ZNF225: variants seen among roughly 807,000 people sequenced by gnomAD.
ZNF225 encodes the protein zinc finger protein 225.
Under a neutral mutation model 12.0 loss-of-function variants are expected in ZNF225, and 6 were observed. That is an observed-to-expected ratio of 0.50 (90% CI 0.27 to 0.98). The LOEUF (loss-of-function observed/expected upper bound fraction) is 0.98, where lower values mean the gene tolerates loss of function less well. Among genes scored for constraint, ZNF225 ranks in the 50% least tolerant of loss-of-function variants. ZNF225 has a pLI of 0.11. For synonymous variants in ZNF225, 271 were observed against 283.2 expected (o/e 0.96, Z 0.43); for missense variants, 763 against 848.2 (o/e 0.90, Z 1.25).
At chr19:44,129,237 C>T (rs574042289) in intron 4 of ZNF225, 3 of 639,188 alleles carry the variant, frequency 4.7e-6, no homozygotes, top group African/African-American at 1.9e-5. Context: ...AAGAGCTTAA[C>T]CAATTGCAAA....
chr19:44,125,739 C>CT (rs2147566395), intron 4 of ZNF225, among the ~76,000 whole-genome samples: 1 of 152,214 alleles, frequency 6.6e-6, no homozygotes, highest in South Asian at 2.1e-4. Context: ...TTTTCTTATT[C>CT]TTTTTTCTTT....
chr19:44,118,452 C>T, intron 3 of ZNF225, 30 bp from the exon 4 acceptor site: 2 of 1,612,936 alleles, frequency 1.2e-6, no homozygotes, highest in African/African-American at 1.3e-5. Flanking sequence ...GATATATTGG[C>T]ACTAAGCACA....
upstream of ZNF225, among the ~76,000 whole-genome samples, chr19:44,112,638 T>C (rs1967855048): frequency 6.6e-6 from 1 of 152,214 alleles, no homozygotes. Context: ...ACAATGTTAA[T>C]ATGAGTATGT....
chr19:44,116,539 A>C (rs1967945769), intron 2 of ZNF225, among the ~76,000 whole-genome samples: 1 of 152,240 alleles, frequency 6.6e-6, no homozygotes. Flanking sequence ...AGAAAATATA[A>C]CAGCCTAGAG....
Position 44,118,176 on chromosome 19 carries a change from T to C in ZNF225, c.16-12T>C, listed in dbSNP as rs199991881. The C allele has an allele frequency of 6.2e-7, 1 of 1,608,078 alleles. No individual in the cohort carries two copies. The highest frequency in any genetic ancestry group is 8.5e-7 in the Non-Finnish European group (1 of 1,177,258). On this transcript the variant is annotated splice_polypyrimidine_tract_variant and intron_variant, in intron 2 of 4. Coordinates refer to ENST00000262894, the MANE Select transcript of ZNF225 (RefSeq NM_013362.4). ...GTCATGAGACTGAGGTTGCATATGT[T>C]CGATGCTGTAGGAGGCAGTGACCTT...
In ZNF225 at chr19:44,118,212, G is replaced by A; in HGVS notation, c.40G>A (p.Ala14Thr). The stretch of plus-strand genomic sequence containing the variant: ...GGAGGCAGTGACCTTCAAGGACGTG[G>A]CTGTGGTCTTCACTGAGGAAGAGCT... ...LKEAVTFKDV[A>T]VVFTEEELRL... is the part of the protein sequence containing the mutation. The change falls in exon 3 of 5, where the codon GCT becomes ACT. Residue 14 changes from alanine to threonine, a missense_variant. Transcript: ENST00000262894. The A allele has an allele frequency of 1.9e-6, 3 of 1,612,846 alleles. No homozygotes were observed. The South Asian group carries it at 3.3e-5, about 18-fold the overall frequency.
intron 4 of ZNF225, chr19:44,129,130 C>A (rs1357172861): frequency 3.3e-6 from 4 of 1,227,988 alleles, no homozygotes; most frequent in African/African-American, 1.6e-5. Context: ...TCAGTACAGA[C>A]AAATGAGATT....
rs778425285 is a variant in ZNF225, at chr19:44,132,233, AC to A, written c.1620del (p.Tyr540Ter). The A allele has an allele frequency of 3.1e-6, 5 of 1,614,014 alleles. No homozygotes were observed. Among genetic ancestry groups the A allele is most frequent in the Non-Finnish European group, 4.2e-6 (5 of 1,179,994 alleles). The part of the protein sequence containing the change: ...HRRVHTGVKP[Y>X]KCEECGKGFN... ...AGAGTCCACACTGGAGTAAAGCCAT[AC>A]AAATGTGAAGAGTGTGGGAAGGGCT... is the stretch of plus-strand genomic sequence containing the variant. On this transcript the variant is annotated frameshift_variant, in exon 5 of 5. Coordinates refer to ENST00000262894, the MANE Select transcript of ZNF225 (RefSeq NM_013362.4). LOFTEE classifies it low-confidence loss of function (END_TRUNC).
At position 44,130,977 on chromosome 19, in the gene ZNF225, C is replaced by CT; in HGVS notation, c.366dup (p.Gln123SerfsTer7). 1 of 1,614,004 alleles carries CT rather than the reference C, an allele frequency of 6.2e-7. No homozygotes were observed. The highest frequency in any genetic ancestry group is 8.5e-7 in the Non-Finnish European group (1 of 1,179,928). ...GGTTTCAAGACTCCATGGTAAACAG[C>CT]TTTCAGTTCTCCAAACAAGATGATA... On this transcript the variant is annotated frameshift_variant, in exon 5 of 5. Coordinates refer to ENST00000262894, the MANE Select transcript of ZNF225 (RefSeq NM_013362.4). LOFTEE classifies it low-confidence loss of function (END_TRUNC).
intron 4 of ZNF225, among the ~76,000 whole-genome samples, chr19:44,119,047 A>T (rs1449048114): frequency 6.6e-6 from 1 of 151,798 alleles, no homozygotes; most frequent in East Asian, 1.9e-4. Context: ...CGATCTCCTG[A>T]CCTCGTGATC....
Position 44,132,726 on chromosome 19 carries a change from T to G in ZNF225, c.2112T>G (p.Asn704Lys). 3 of 1,592,280 alleles carry G rather than the reference T, an allele frequency of 1.9e-6. No homozygotes were observed. The highest frequency in any genetic ancestry group is 2.6e-6 in the Non-Finnish European group (3 of 1,169,894). ...ATACGCTTTTGTCATTATTTTTAAA[T>G]GACACATAACTGTTGTACTCATTTA... Reference protein sequence around the residue: ...NLDTLLSLFLNDT With the variant: ...NLDTLLSLFLKDT The change falls in exon 5 of 5, where the codon AAT (asparagine) becomes AAG (lysine). Residue 704 changes from asparagine to lysine, a missense_variant. By Grantham distance (94) the Asn-to-Lys change is moderately conservative. Coordinates refer to ENST00000262894, the MANE Select transcript of ZNF225 (RefSeq NM_013362.4).
At position 44,131,469 on chromosome 19, in the gene ZNF225, G is replaced by A; in HGVS notation, c.855G>A (p.Glu285=). Residue 285 remains glutamate (E), a synonymous_variant, in exon 5 of 5, where the codon GAG becomes GAA. Coordinates refer to ENST00000262894, the MANE Select transcript of ZNF225 (RefSeq NM_013362.4). ...AACATCAAAGAATCCATACTGGGGA[G>A]AAGCCATTCAAATGTGATATATGTT... ...LQEHQRIHTG[E]KPFKCDICCK... 2 of 1,614,184 alleles carry A rather than the reference G, an allele frequency of 1.2e-6. No homozygotes were observed. Among genetic ancestry groups the A allele is most frequent in the Non-Finnish European group, 1.7e-6 (2 of 1,180,040 alleles).
At chr19:44,122,971 G>A (rs1458945799) in intron 4 of ZNF225, among the ~76,000 whole-genome samples, 2 of 152,062 alleles carry the variant, frequency 1.3e-5, no homozygotes, top group Non-Finnish European at 1.5e-5. Context: ...CCTCTTTACC[G>A]ATTTGGGTGC....
At chr19:44,117,993 C>T (rs112782078) in intron 2 of ZNF225, among the ~76,000 whole-genome samples, 195 bp from the exon 3 acceptor site, 3,685 of 151,742 alleles carry the variant, frequency 0.024, 149 homozygotes, top group African/African-American at 0.083. Flanking sequence ...CACTCCAGCC[C>T]GGGCAACAGA....
chr19:44,120,860 C>T (rs1968038568), intron 4 of ZNF225, among the ~76,000 whole-genome samples: 1 of 151,532 alleles, frequency 6.6e-6, no homozygotes. Flanking sequence ...GTCTCTCGCC[C>T]TCCTCCCACT....
At chr19:44,129,653 A>G (rs951880996) in intron 4 of ZNF225, 2 of 152,212 alleles carry the variant, frequency 1.3e-5, no homozygotes, top group African/African-American at 2.4e-5. Flanking sequence ...AAGCCTCACC[A>G]TAAATCACAT....
intron 1 of ZNF225, chr19:44,114,325 T>G (rs1967894635): frequency 2.1e-6 from 1 of 476,946 alleles, no homozygotes; most frequent in African/African-American, 2.0e-5. Context: ...TTTTCTAGTC[T>G]TTAATCTTGA....
chr19:44,131,635 G>C lies in ZNF225; in HGVS notation c.1021G>C (p.Glu341Gln). ...TAGTCATCGCATGGTCCACACAGGA[G>C]AGAAACGGTACAAATGTGAGGAATG... is the stretch of plus-strand genomic sequence containing the variant. ...LNSHRMVHTG[E>Q]KRYKCEECGK... Residue 341 changes from glutamate (E) to glutamine (Q), a missense_variant, in exon 5 of 5, where the codon GAG becomes CAG. Coordinates refer to ENST00000262894, the MANE Select transcript of ZNF225 (RefSeq NM_013362.4). 1.2e-6 allele frequency: 2 copies of C among 1,614,116 alleles called. No homozygotes were observed. The highest frequency in any genetic ancestry group is 1.3e-5 in the African/African-American group (1 of 75,054).
At chr19:44,118,801 T>A (rs1484508894) in intron 4 of ZNF225, among the ~76,000 whole-genome samples, 2 of 151,598 alleles carry the variant, frequency 1.3e-5, no homozygotes, top group Admixed American at 6.6e-5. Context: ...ATTCCTCGGC[T>A]CAAAAGCCTT....
Sources: allele counts gnomAD v4.1 joint callset (sites outside exome capture counted in the v4.1 genomes callset), GRCh38; gene constraint gnomAD v4.1.1; transcripts MANE v1.5; gene names NCBI Gene and HGNC (gene_info 2026-07-23, HGNC 2026-07-21).